The following SLC39A14 variants were observed in gnomAD, a reference collection of about 807,000 sequenced individuals.
SLC39A14 encodes the protein metal cation symporter ZIP14.
Under a neutral mutation model 45.5 loss-of-function variants are expected in SLC39A14, and 19 were observed. That is an observed-to-expected ratio of 0.42 (90% CI 0.29 to 0.61). The LOEUF (loss-of-function observed/expected upper bound fraction) is 0.61, where lower values mean the gene tolerates loss of function less well. Ranked by LOEUF, SLC39A14 falls within the 20% of genes least tolerant of loss-of-function variation. The probability of loss-of-function intolerance (pLI) is 0.22; values close to 1 mark genes in which losing one functional copy is unlikely to be tolerated. For synonymous variants in SLC39A14, 264 were observed against 251.3 expected, an observed-to-expected ratio of 1.05 and a Z score of -0.48; for missense variants, 447 against 616.5, an observed-to-expected ratio of 0.73 and a Z score of 2.91.
In SLC39A14 at chr8:22,421,135, A is replaced by C; in HGVS notation, c.*1437A>C. The C allele has an allele frequency of 1.0e-6, 1 of 985,900 alleles. No individual in the cohort carries two copies. Among genetic ancestry groups the C allele is most frequent in the Non-Finnish European group, 1.2e-6 (1 of 829,952 alleles). 61.1% of individuals were successfully genotyped at this position (985,900 alleles called of 1,614,324 possible). A position where few individuals can be genotyped will look rare whatever the true frequency, so the allele number is the denominator to read the frequency against. ...GCCACTTTGGGGAGCCTGTCTCTCC[A>C]GAAGCCTTTCTTAGTGGTGCCCACA... On this transcript the variant is annotated 3_prime_UTR_variant, in exon 9 of 9. Coordinates refer to ENST00000381237, the MANE Select transcript of SLC39A14 (RefSeq NM_001128431.4).
At chr8:22,407,105 A>T (rs1273579189) in intron 2 of SLC39A14, among the ~76,000 whole-genome samples, 1 of 152,138 alleles carries the variant, frequency 6.6e-6, no homozygotes, top group East Asian at 1.9e-4. Context: ...ACTTCCCTGA[A>T]TCTTCAGGTT....
rs1836177884 is a variant in SLC39A14, at chr8:22,420,727, G to A, written c.*1029G>A. The A allele has an allele frequency of 3.0e-6, 3 of 985,266 alleles. No individual in the cohort carries two copies. Among genetic ancestry groups the A allele is most frequent in the African/African-American group, 1.7e-5 (1 of 57,204 alleles). The allele number at this position is 985,266 out of a possible 1,614,324, so 61.0% of individuals were successfully genotyped here. A position where few individuals can be genotyped will look rare whatever the true frequency, so the allele number is the denominator to read the frequency against. On this transcript the variant is annotated 3_prime_UTR_variant, in exon 9 of 9. Transcript: ENST00000381237. ...GTAATCAGAAATGGAATCAGTGCAG[G>A]CAAAATTTAGGATTTGCCGCTTCCA... is the stretch of plus-strand genomic sequence containing the variant.
chr8:22,406,398 G>T (rs976130452), intron 2 of SLC39A14, among the ~76,000 whole-genome samples: 1 of 150,924 alleles, frequency 6.6e-6, no homozygotes, highest in Non-Finnish European at 1.5e-5. Flanking sequence ...TCAAAAGTTG[G>T]GGGGGAGGAG....
chr8:22,393,298 C>T (rs894018855), intron 1 of SLC39A14: 44 of 929,528 alleles, frequency 4.7e-5, no homozygotes, highest in East Asian at 1.2e-4. Flanking sequence ...GATTAAGCCC[C>T]GGGGCAGGGC....
At chr8:22,386,439 G>A (rs1179505726) in intron 1 of SLC39A14, among the ~76,000 whole-genome samples, 1 of 151,374 alleles carries the variant, frequency 6.6e-6, no homozygotes, top group East Asian at 2.0e-4. Context: ...GCTAATTTTT[G>A]TATTTTTAGT....
chr8:22,421,728 A>G lies in SLC39A14; in HGVS notation c.*2030A>G, dbSNP rs748759702. On this transcript the variant is annotated 3_prime_UTR_variant, in exon 9 of 9. Transcript: ENST00000381237. ...TAAATTTATAATTTTAGCATTCCCAATAGATCCTATCATTCCTTAAACATA... is the reference window on the plus strand; with the variant it reads ...TAAATTTATAATTTTAGCATTCCCAGTAGATCCTATCATTCCTTAAACATA... The G allele has an allele frequency of 2.3e-5, 23 of 984,616 alleles. No homozygotes were observed. Among genetic ancestry groups the G allele is most frequent in the Admixed American group, 1.2e-4 (2 of 16,266 alleles). The allele number at this position is 984,616 out of a possible 1,614,324, so 61.0% of individuals were successfully genotyped here.
At position 22,421,954 on chromosome 8, in the gene SLC39A14, C is replaced by T. The variant is rs1311712977; in HGVS notation, c.*2256C>T. On this transcript the variant is annotated 3_prime_UTR_variant, in exon 9 of 9. Transcript: ENST00000381237. Reference sequence around the variant, plus strand: ...GAAATCCTCTTTAAACCGTAGTTGGCGCAGAGGTCAGTCCTAGTCGGAGCT... The same window carrying T: ...GAAATCCTCTTTAAACCGTAGTTGGTGCAGAGGTCAGTCCTAGTCGGAGCT... 12 of 985,322 alleles carry T rather than the reference C, an allele frequency of 1.2e-5. No homozygotes were observed. The highest frequency in any genetic ancestry group is 1.4e-5 in the Non-Finnish European group (12 of 829,948). The allele number at this position is 985,322 out of a possible 1,614,324, so 61.0% of individuals were successfully genotyped here.
At chr8:22,378,782 G>A (rs189465287) in intron 1 of SLC39A14, among the ~76,000 whole-genome samples, 1 of 152,254 alleles carries the variant, frequency 6.6e-6, no homozygotes, top group Non-Finnish European at 1.5e-5. Context: ...ATATTCATGG[G>A]TCCCGCCCAT....
intron 1 of SLC39A14, among the ~76,000 whole-genome samples, chr8:22,384,052 A>G (rs1227666983): frequency 3.3e-5 from 5 of 152,064 alleles, no homozygotes; most frequent in African/African-American, 9.7e-5. Flanking sequence ...CACCCAGCAG[A>G]CGCTCTGTGG....
chr8:22,428,037 G>A (rs1335057028), intron 8 of SLC39A14, among the ~76,000 whole-genome samples: 1 of 152,146 alleles, frequency 6.6e-6, no homozygotes, highest in Non-Finnish European at 1.5e-5. Context: ...GGTAGCTCAC[G>A]CCTATAATCC....
downstream of SLC39A14, among the ~76,000 whole-genome samples, chr8:22,423,460 C>G (rs929674707): frequency 6.6e-6 from 1 of 151,958 alleles, no homozygotes; most frequent in East Asian, 1.9e-4. Flanking sequence ...TTCAGCCTCC[C>G]GAGTAGCTGG....
At chr8:22,425,883 G>GTTTTTTTTTT (rs72023394), downstream of SLC39A14, among the ~76,000 whole-genome samples, 4 of 140,858 alleles carry the variant, frequency 2.8e-5, no homozygotes, top group South Asian at 2.3e-4. Context: ...GCTCTAGATG[G>GTTTTTTTTTT]TTTTTGTTTT....
At chr8:22,412,294 C>A in intron 4 of SLC39A14, 88 bp downstream of exon 4, 1 of 1,334,526 alleles carries the variant, frequency 7.5e-7, no homozygotes, top group Non-Finnish European at 1.0e-6. Flanking sequence ...AGAGAGGGCA[C>A]CTGGAGGCCC....
chr8:22,413,900 G>A (rs772346307), intron 4 of SLC39A14, among the ~76,000 whole-genome samples: 1 of 151,926 alleles, frequency 6.6e-6, no homozygotes, highest in Non-Finnish European at 1.5e-5. Context: ...TCACACTCCC[G>A]AGTAGCTGGG....
rs777015936 is a variant in SLC39A14 at position 22,420,989 on chromosome 8, A to T, written c.*1291A>T. 5 of 985,790 alleles carry T rather than the reference A, an allele frequency of 5.1e-6. No homozygotes were observed. In the South Asian group the frequency reaches 2.3e-4, roughly 46 times the overall value. 61.1% of individuals were successfully genotyped at this position (985,790 alleles called of 1,614,324 possible). ...GGAGATAACTTGTCTTTAAAACTGT[A>T]GGCCAGCCTTAGCCACTGTGGAGCC... On this transcript the variant is annotated 3_prime_UTR_variant, in exon 9 of 9. Coordinates refer to ENST00000381237, the MANE Select transcript of SLC39A14 (RefSeq NM_001128431.4).
At chr8:22,394,561 CG>C (rs1176629566) in intron 1 of SLC39A14, among the ~76,000 whole-genome samples, 1 of 151,900 alleles carries the variant, frequency 6.6e-6, no homozygotes, top group Non-Finnish European at 1.5e-5. Flanking sequence ...CCTTGTGATC[CG>C]CCCGCCTCGG....
chr8:22,420,256 C>A lies in SLC39A14; in HGVS notation c.*558C>A, dbSNP rs957392476. On this transcript the variant is annotated 3_prime_UTR_variant, in exon 9 of 9. Coordinates refer to ENST00000381237, the MANE Select transcript of SLC39A14 (RefSeq NM_001128431.4). ...AGAACCTGAAGTCAGAACACATGAG[C>A]AGGGTGAGAGGTGAGGCAAGGTTCA... 2 of 985,406 alleles carry A rather than the reference C, an allele frequency of 2.0e-6. No individual in the cohort carries two copies. The highest frequency in any genetic ancestry group is 2.4e-6 in the Non-Finnish European group (2 of 830,090). The allele number at this position is 985,406 out of a possible 1,614,324, so 61.0% of individuals were successfully genotyped here.
chr8:22,377,748 G>T (rs959782597), intron 1 of SLC39A14, among the ~76,000 whole-genome samples: 1 of 152,130 alleles, frequency 6.6e-6, no homozygotes, highest in African/African-American at 2.4e-5. Flanking sequence ...GTGGACTATA[G>T]ATTATTTGAC....
At chr8:22,392,695 T>TC (rs1834147662) in intron 1 of SLC39A14, 1 of 152,080 alleles carries the variant, frequency 6.6e-6, no homozygotes, top group Admixed American at 6.6e-5. Flanking sequence ...CCTTCCCGGG[T>TC]CCCTGCCCAC....
Sources: allele counts gnomAD v4.1 joint callset (sites outside exome capture counted in the v4.1 genomes callset), GRCh38; gene constraint gnomAD v4.1.1; transcripts MANE v1.5; gene names NCBI Gene and HGNC (gene_info 2026-07-23, HGNC 2026-07-21).